TMEM117: variants seen among roughly 807,000 people sequenced by gnomAD.
TMEM117 encodes transmembrane protein 117.
Under a neutral mutation model 52.4 loss-of-function variants are expected in TMEM117, and 27 were observed. That is an observed-to-expected ratio of 0.51 (90% CI 0.38 to 0.71). The LOEUF (loss-of-function observed/expected upper bound fraction) is 0.71. Ranked by LOEUF, TMEM117 falls within the 30% of genes least tolerant of loss-of-function variation. The pLI is 0.00. For missense variants in TMEM117, 556 were observed against 630.5 expected (o/e 0.88, Z 1.26); for synonymous variants, 215 against 206.3 (o/e 1.04, Z -0.36).
chr12:43,844,957 A>G (rs1330584060), intron 2 of TMEM117, 29 bp downstream of exon 2: 2 of 1,571,636 alleles, frequency 1.3e-6, no homozygotes, highest in African/African-American at 1.4e-5. Context: ...GAAATGTAAT[A>G]TCACTAATTA....
chr12:44,304,751 T>C (rs1592679450), intron 6 of TMEM117, among the ~76,000 whole-genome samples: 1 of 152,310 alleles, frequency 6.6e-6, no homozygotes, highest in Non-Finnish European at 1.5e-5. Context: ...GACTCAGTCC[T>C]GGCAAGATTA....
chr12:43,978,388 T>C (rs1458880036), intron 3 of TMEM117, among the ~76,000 whole-genome samples: 1 of 152,184 alleles, frequency 6.6e-6, no homozygotes, highest in Admixed American at 6.6e-5. Flanking sequence ...GAGTCATTAA[T>C]AATATTGATA....
rs1950427505 is a variant in TMEM117, at chr12:44,270,028, T to A, written c.609-29552T>A. 3.9e-5 allele frequency among the ~76,000 whole-genome samples: 6 copies of A among 152,250 alleles called. No homozygotes were observed. The South Asian group carries it at 1.0e-3, about 26-fold the overall frequency. On this transcript the variant is annotated intron_variant, in intron 5 of 7. Coordinates refer to ENST00000266534, the MANE Select transcript of TMEM117 (RefSeq NM_032256.3). ...AGACTAAAGAATGACTAAATTGTTG[T>A]CATTTAAGTGCAATAATAACAAATA... is the stretch of plus-strand genomic sequence containing the variant.
intron 3 of TMEM117, among the ~76,000 whole-genome samples, chr12:43,948,035 G>A (rs1057447608): frequency 2.0e-4 from 30 of 152,088 alleles, no homozygotes; most frequent in African/African-American, 7.2e-4. Flanking sequence ...AGAGTTTTTA[G>A]CCCAGAGTTG....
intron 2 of TMEM117, among the ~76,000 whole-genome samples, chr12:43,909,887 G>GGATTCACAGCCA: frequency 7.5e-6 from 1 of 132,890 alleles, no homozygotes; most frequent in Middle Eastern, 3.5e-3. Flanking sequence ...AGGACCAGAT[G>GGATTCACAGCCA]GATTCACAGC....
chr12:44,298,467 C>A (rs1950796692), intron 5 of TMEM117, among the ~76,000 whole-genome samples: 1 of 149,894 alleles, frequency 6.7e-6, no homozygotes, highest in Admixed American at 6.6e-5. Context: ...ATCAATATAG[C>A]CCTGAAAAGC....
chr12:44,063,554 G>A (rs1947173034), intron 3 of TMEM117, among the ~76,000 whole-genome samples: 1 of 151,640 alleles, frequency 6.6e-6, no homozygotes, highest in Non-Finnish European at 1.5e-5. Flanking sequence ...TGCCATGTTG[G>A]TGTGCTGCAC....
At chr12:44,291,384 T>TGTTTGTTTGTTTG (rs1565679740) in intron 5 of TMEM117, among the ~76,000 whole-genome samples, 20 of 149,656 alleles carry the variant, frequency 1.3e-4, no homozygotes, top group South Asian at 1.0e-3. Context: ...GTTTTTTTTT[T>TGTTTGTTTGTTTG]TTTTTTTTTT....
chr12:43,908,613 A>G (rs1944435408), intron 2 of TMEM117, among the ~76,000 whole-genome samples: 1 of 151,942 alleles, frequency 6.6e-6, no homozygotes. Flanking sequence ...TCTCACGGGC[A>G]GAGACACACA....
rs550636191 is a variant in TMEM117 at position 44,012,254 on chromosome 12, C to T, written c.410+67912C>T. Among the ~76,000 whole-genome samples the T allele has an allele frequency of 1.1e-4, 17 of 151,992 alleles. No individual in the cohort carries two copies. The East Asian group carries it at 1.7e-3, about 16-fold the overall frequency. Reference sequence around the variant, plus strand: ...TCTTTGATTTTCTGCAGTTTGAATACAATTTGCCCAGGTGTTATGTGCTTT... The same window carrying T: ...TCTTTGATTTTCTGCAGTTTGAATATAATTTGCCCAGGTGTTATGTGCTTT... On this transcript the variant is annotated intron_variant, in intron 3 of 7. Transcript: ENST00000266534.
intron 4 of TMEM117, among the ~76,000 whole-genome samples, chr12:44,183,419 A>T (rs1206255898): frequency 6.6e-6 from 1 of 152,208 alleles, no homozygotes; most frequent in Non-Finnish European, 1.5e-5. Flanking sequence ...GTGATTAATT[A>T]TAAAGTGCTT....
rs566566266 is a variant in TMEM117 at position 44,347,777 on chromosome 12, G to A, written c.769-28818G>A. ...AAACTCAGAGAAATAGTCAAACACC[G>A]CTAACTGTACCCTGTCATCAGAATT... On this transcript the variant is annotated intron_variant, in intron 6 of 7. Coordinates refer to ENST00000266534, the MANE Select transcript of TMEM117 (RefSeq NM_032256.3). 2.2e-4 allele frequency among the ~76,000 whole-genome samples: 34 copies of A among 152,114 alleles called. No homozygotes were observed. In the South Asian group the frequency reaches 3.1e-3, roughly 14 times the overall value.
At chr12:44,144,108 T>C (rs1208049806) in intron 4 of TMEM117, among the ~76,000 whole-genome samples, 1 of 152,220 alleles carries the variant, frequency 6.6e-6, no homozygotes, top group African/African-American at 2.4e-5. Context: ...ATTTTCCTCA[T>C]TGGAACTACT....
intron 1 of TMEM117, among the ~76,000 whole-genome samples, chr12:43,843,120 GCA>G (rs1943142535): frequency 2.6e-5 from 4 of 152,194 alleles, no homozygotes; most frequent in Admixed American, 2.6e-4. Flanking sequence ...CAGACATCCA[GCA>G]CAGAGCCTGG....
intron 6 of TMEM117, among the ~76,000 whole-genome samples, chr12:44,307,038 TTC>T (rs1286541473): frequency 6.6e-6 from 1 of 152,222 alleles, no homozygotes; most frequent in Non-Finnish European, 1.5e-5. Context: ...TGTGTTTGTA[TTC>T]TGTTTTGTGC....
chr12:44,063,154 C>G (rs1267966055), intron 3 of TMEM117, among the ~76,000 whole-genome samples: 2 of 152,046 alleles, frequency 1.3e-5, no homozygotes, highest in Non-Finnish European at 2.9e-5. Flanking sequence ...ATCCTATCTC[C>G]CAAGAATCTT....
intron 3 of TMEM117, chr12:44,008,710 T>G: frequency 5.7e-6 from 2 of 352,230 alleles, no homozygotes; most frequent in South Asian, 5.9e-5. Context: ...TTCTTCTGCA[T>G]ATGATACAAG....
chr12:44,300,899 C>G (rs1950831272), intron 6 of TMEM117, among the ~76,000 whole-genome samples: 1 of 152,184 alleles, frequency 6.6e-6, no homozygotes, highest in South Asian at 2.1e-4. Context: ...TGTCACTAAG[C>G]TGTAGGACGT....
chr12:44,174,643 C>T (rs142733053), intron 4 of TMEM117, among the ~76,000 whole-genome samples: 3 of 152,220 alleles, frequency 2.0e-5, no homozygotes, highest in Middle Eastern at 3.4e-3. Flanking sequence ...GAATAGCTAT[C>T]TCATAACTAG....
Sources: allele counts gnomAD v4.1 joint callset (sites outside exome capture counted in the v4.1 genomes callset), GRCh38; gene constraint gnomAD v4.1.1; transcripts MANE v1.5; gene names NCBI Gene and HGNC (gene_info 2026-07-23, HGNC 2026-07-21).